Variants in FAM177B observed in about 807,000 individuals in gnomAD.
FAM177B encodes the protein protein FAM177B.
FAM177B carries 16 observed loss-of-function variants against 16.1 expected under a neutral mutation model. The observed-to-expected ratio is 0.99, with a 90% confidence interval of 0.67 to 1.51. The LOEUF (loss-of-function observed/expected upper bound fraction) is 1.51, where lower values mean the gene tolerates loss of function less well. Ranked by LOEUF, FAM177B falls within the 40% of genes most tolerant of loss-of-function variation. The pLI, the probability that FAM177B is intolerant of heterozygous loss-of-function variation, is 0.00. For missense variants in FAM177B, 178 were observed against 183.7 expected (o/e 0.97, Z 0.18); for synonymous variants, 56 against 59.9 (o/e 0.93, Z 0.30).
chr1:222,737,428 G>C, intron 1 of FAM177B, 106 bp downstream of exon 1: 1 of 152,342 alleles, frequency 6.6e-6, no homozygotes, highest in East Asian at 1.9e-4. Context: ...GTCTCCATTT[G>C]AGTTAAAGAC....
In FAM177B at chr1:222,750,193, T is replaced by G; in HGVS notation, c.*135T>G. 6.8e-7 allele frequency: 1 copy of G among 1,474,766 alleles called. No homozygotes were observed. The highest frequency in any genetic ancestry group is 8.9e-7 in the Non-Finnish European group (1 of 1,118,502). 91.4% of individuals were successfully genotyped at this position (1,474,766 alleles called of 1,614,324 possible). A position where few individuals can be genotyped will look rare whatever the true frequency, so the allele number is the denominator to read the frequency against. Reference sequence around the variant, plus strand: ...CCAGAGGTAGCACTTCTGAGCCAGATCTGATCCTAATCTCTGTGTGACTTA... The same window carrying G: ...CCAGAGGTAGCACTTCTGAGCCAGAGCTGATCCTAATCTCTGTGTGACTTA... On this transcript the variant is annotated 3_prime_UTR_variant, in exon 6 of 6. Coordinates refer to ENST00000445590, the MANE Select transcript of FAM177B (RefSeq NM_001394345.1).
Position 222,750,516 on chromosome 1 carries a change from T to C in FAM177B, c.*458T>C. ...TTCAGGATTTGATATAGTGTGTACTTCCAACAACCATCCTGGCGTAGTTGG... is the reference window on the plus strand; with the variant it reads ...TTCAGGATTTGATATAGTGTGTACTCCCAACAACCATCCTGGCGTAGTTGG... On this transcript the variant is annotated 3_prime_UTR_variant, in exon 6 of 6. Transcript: ENST00000445590. 1.0e-6 allele frequency: 1 copy of C among 986,600 alleles called. No homozygotes were observed. The highest frequency in any genetic ancestry group is 1.7e-5 in the African/African-American group (1 of 57,398). 61.1% of individuals were successfully genotyped at this position (986,600 alleles called of 1,614,324 possible).
At chr1:222,742,827 G>GTTC (rs1226561547) in intron 2 of FAM177B, among the ~76,000 whole-genome samples, 2 of 151,570 alleles carry the variant, frequency 1.3e-5, no homozygotes, top group African/African-American at 4.9e-5. Flanking sequence ...TCTGCAATTT[G>GTTC]TTCTTTTCCA....
intron 2 of FAM177B, among the ~76,000 whole-genome samples, chr1:222,741,950 C>T: frequency 2.0e-5 from 2 of 99,734 alleles, no homozygotes; most frequent in Admixed American, 1.6e-4. Flanking sequence ...TTCTTTCTTT[C>T]TTTCCTTCCT....
At chr1:222,739,289 A>G (rs183710651) in intron 2 of FAM177B, among the ~76,000 whole-genome samples, 29 of 152,152 alleles carry the variant, frequency 1.9e-4, no homozygotes, top group African/African-American at 6.7e-4. Context: ...AGCCTCTTGG[A>G]AAAAAAATAG....
At chr1:222,741,730 TCCC>T (rs1658541541) in intron 2 of FAM177B, among the ~76,000 whole-genome samples, 2 of 131,290 alleles carry the variant, frequency 1.5e-5, no homozygotes, top group African/African-American at 5.9e-5. Flanking sequence ...CTTCCTTCCC[TCCC>T]TCCCTCCCTC....
intron 2 of FAM177B, 103 bp from the exon 3 acceptor site, chr1:222,746,428 T>A (rs1658799704): frequency 1.6e-6 from 1 of 611,474 alleles, no homozygotes; most frequent in Non-Finnish European, 2.8e-6. Flanking sequence ...GTCACAGGTG[T>A]GATTACCTCT....
intron 2 of FAM177B, among the ~76,000 whole-genome samples, chr1:222,741,773 C>CCTTTCTTTCTTTTT (rs1319574358): frequency 8.0e-6 from 1 of 125,374 alleles, no homozygotes. Flanking sequence ...TTTCTTTCTT[C>CCTTTCTTTCTTTTT]CTTTCTTTCT....
At position 222,747,024 on chromosome 1, in the gene FAM177B, T is replaced by C; in HGVS notation, c.184T>C (p.Ser62Pro). Residue 62 changes from serine to proline, a missense_variant, in exon 4 of 6, where the codon TCC becomes CCC. Physicochemically the swap from Ser to Pro is moderately conservative, Grantham distance 74. Transcript: ENST00000445590. ...TTTCTCCTTTTTTCAGTCTAAACTT[T>C]CCTGGGGGCCCTACCTACGATTTTG... ...TNSTLDPSKL[S>P]WGPYLRFWAG... 4 of 1,609,748 alleles carry C rather than the reference T, an allele frequency of 2.5e-6. No individual in the cohort carries two copies. Among genetic ancestry groups the C allele is most frequent in the South Asian group, 2.2e-5 (2 of 90,998 alleles).
chr1:222,747,052 C>A lies in FAM177B; in HGVS notation c.212C>A (p.Ala71Glu). 6.2e-7 allele frequency: 1 copy of A among 1,612,006 alleles called. No individual in the cohort carries two copies. The highest frequency in any genetic ancestry group is 8.5e-7 in the Non-Finnish European group (1 of 1,178,234). ...LSWGPYLRFW[A>E]GRIASTSFST... Reference sequence around the variant, plus strand: ...TGGGGGCCCTACCTACGATTTTGGGCAGGACGAATAGCAAGCACCTCATTT... The same window carrying A: ...TGGGGGCCCTACCTACGATTTTGGGAAGGACGAATAGCAAGCACCTCATTT... The change falls in exon 4 of 6, where the codon GCA becomes GAA. Residue 71 changes from alanine to glutamate, a missense_variant. Ala to Glu is a moderately radical substitution (Grantham distance 107). Coordinates refer to ENST00000445590, the MANE Select transcript of FAM177B (RefSeq NM_001394345.1).
chr1:222,746,476 AT>A (rs1296946453), intron 2 of FAM177B, 54 bp from the exon 3 acceptor site: 3 of 976,596 alleles, frequency 3.1e-6, no homozygotes, highest in Middle Eastern at 3.3e-4. Context: ...AAATAACTAG[AT>A]AACTCTCAGC....
chr1:222,741,786 T>TC (rs1658546979), intron 2 of FAM177B, among the ~76,000 whole-genome samples: 8 of 146,452 alleles, frequency 5.5e-5, no homozygotes, highest in African/African-American at 1.8e-4. Flanking sequence ...TTCTTTCTTT[T>TC]TCTTTCTTTC....
At chr1:222,747,124 T>C in intron 4 of FAM177B, 43 bp downstream of exon 4, 1 of 1,292,426 alleles carries the variant, frequency 7.7e-7, no homozygotes. Flanking sequence ...TAAACAAATA[T>C]ATATATCGAT....
At chr1:222,749,654 T>C in intron 5 of FAM177B, 92 bp downstream of exon 5, 1 of 798,934 alleles carries the variant, frequency 1.3e-6, no homozygotes, top group Non-Finnish European at 2.0e-6. Flanking sequence ...TTTTCCCACC[T>C]GGTCATATGT....
At chr1:222,743,193 G>A (rs375949135) in intron 2 of FAM177B, among the ~76,000 whole-genome samples, 129 of 152,260 alleles carry the variant, frequency 8.5e-4, no homozygotes, top group African/African-American at 3.1e-3. Context: ...TGCCGCCCAG[G>A]CTGGAGTGCA....
chr1:222,744,875 A>T (rs1658722522), intron 2 of FAM177B, among the ~76,000 whole-genome samples: 1 of 152,250 alleles, frequency 6.6e-6, no homozygotes, highest in Non-Finnish European at 1.5e-5. Flanking sequence ...AACCGACATT[A>T]TGATCATGAT....
At position 222,747,014 on chromosome 1, in the gene FAM177B, G is replaced by C; in HGVS notation, c.175-1G>C. 1 of 1,604,500 alleles carries C rather than the reference G, an allele frequency of 6.2e-7. No homozygotes were observed. The highest frequency in any genetic ancestry group is 8.5e-7 in the Non-Finnish European group (1 of 1,171,420). On this transcript the variant is annotated splice_acceptor_variant, in intron 3 of 5. Transcript: ENST00000445590. LOFTEE classifies it high-confidence loss of function. ...TCTATCTCAATTTCTCCTTTTTTCA[G>C]TCTAAACTTTCCTGGGGGCCCTACC...
chr1:222,741,823 CTT>C (rs887744331), intron 2 of FAM177B, among the ~76,000 whole-genome samples: 1 of 137,554 alleles, frequency 7.3e-6, no homozygotes, highest in African/African-American at 2.7e-5. Context: ...TTCTTTCTTT[CTT>C]TTTTCTTTCT....
chr1:222,746,928 G>C (rs1031142586), intron 3 of FAM177B, 87 bp from the exon 4 acceptor site: 2 of 997,654 alleles, frequency 2.0e-6, no homozygotes, highest in African/African-American at 3.2e-5. Context: ...ATATTATATA[G>C]AGCATTTTGA....
Sources: allele counts gnomAD v4.1 joint callset (sites outside exome capture counted in the v4.1 genomes callset), GRCh38; gene constraint gnomAD v4.1.1; transcripts MANE v1.5; gene names NCBI Gene and HGNC (gene_info 2026-07-23, HGNC 2026-07-21).